The following KCND3 variants were observed in gnomAD, a reference collection of about 807,000 sequenced individuals.
The protein encoded by KCND3 is potassium voltage-gated channel subfamily D member 3, also known as A-type voltage-gated potassium channel KCND3.
KCND3 carries 9 observed loss-of-function variants against 51.1 expected under a neutral mutation model. That is an observed-to-expected ratio of 0.18 (90% CI 0.11 to 0.31). The LOEUF is 0.31. KCND3 is among the 10% of genes least tolerant of loss of function. The pLI is 1.00. For missense variants in KCND3, 526 were observed against 903.8 expected (o/e 0.58, Z 5.36); for synonymous variants, 349 against 368.0 (o/e 0.95, Z 0.59).
chr1:111,945,468 C>A (rs1672735321), intron 2 of KCND3, among the ~76,000 whole-genome samples: 5 of 152,202 alleles, frequency 3.3e-5, no homozygotes, highest in Admixed American at 3.3e-4. Context: ...TGGCCTACCC[C>A]CATTAACCCT....
intron 2 of KCND3, among the ~76,000 whole-genome samples, chr1:111,953,421 T>C (rs1039589492): frequency 6.6e-6 from 1 of 152,220 alleles, no homozygotes; most frequent in African/African-American, 2.4e-5. Context: ...AAAACCAGTG[T>C]TGATTCATGC....
rs187997467 is a variant in KCND3, at chr1:111,891,164, T to C, written c.1106+90457A>G. Among the ~76,000 whole-genome samples the C allele has an allele frequency of 2.8e-4, 43 of 152,192 alleles. No individual in the cohort carries two copies. The East Asian group carries it at 7.1e-3, about 25-fold the overall frequency. Reference sequence around the variant, plus strand: ...ATCTGAGGCCACCTACTTCATAGGGTTGTTAGAAGGATAAAATCACTTGGT... The same window carrying C: ...ATCTGAGGCCACCTACTTCATAGGGCTGTTAGAAGGATAAAATCACTTGGT... On this transcript the variant is annotated intron_variant, in intron 2 of 7. Transcript: ENST00000302127.
intron 2 of KCND3, among the ~76,000 whole-genome samples, chr1:111,808,943 C>T (rs74112140): frequency 0.082 from 12,419 of 152,234 alleles, 874 homozygotes; most frequent in African/African-American, 0.18. Flanking sequence ...AGGGAGGGGA[C>T]ACCCTGAATG....
chr1:111,853,271 C>T (rs1052887075), intron 2 of KCND3, among the ~76,000 whole-genome samples: 1 of 152,172 alleles, frequency 6.6e-6, no homozygotes, highest in Non-Finnish European at 1.5e-5. Context: ...TTTATCTCCC[C>T]TCTCTGGGAA....
At chr1:111,934,680 CTG>C (rs1359701983) in intron 2 of KCND3, among the ~76,000 whole-genome samples, 1 of 152,200 alleles carries the variant, frequency 6.6e-6, no homozygotes, top group African/African-American at 2.4e-5. Flanking sequence ...TGTGCGTACT[CTG>C]AATCTGGGTG....
chr1:111,838,679 AAAC>A (rs376997509), intron 2 of KCND3, among the ~76,000 whole-genome samples: 2,641 of 151,944 alleles, frequency 0.017, 67 homozygotes, highest in African/African-American at 0.056. Flanking sequence ...ACAAAAGCAA[AAAC>A]AACAACAACA....
chr1:111,963,558 C>T (rs900487649), intron 2 of KCND3, among the ~76,000 whole-genome samples: 9 of 152,190 alleles, frequency 5.9e-5, no homozygotes, highest in African/African-American at 1.9e-4. Flanking sequence ...CCTGGTCCAC[C>T]GTATGAGGAT....
chr1:111,801,943 C>T (rs1360385608), intron 2 of KCND3, among the ~76,000 whole-genome samples: 1 of 152,238 alleles, frequency 6.6e-6, no homozygotes, highest in Non-Finnish European at 1.5e-5. Context: ...TACTGGTGAA[C>T]TTGCCAGGCA....
At chr1:111,849,522 C>A (rs556064803) in intron 2 of KCND3, among the ~76,000 whole-genome samples, 50 of 152,198 alleles carry the variant, frequency 3.3e-4, no homozygotes, top group Non-Finnish European at 6.6e-4. Context: ...TCCCTCTACC[C>A]CTGTGGGTAT....
intron 2 of KCND3, among the ~76,000 whole-genome samples, chr1:111,821,286 ACCTT>A (rs1416346916): frequency 1.3e-5 from 2 of 152,172 alleles, no homozygotes; most frequent in African/African-American, 4.8e-5. Context: ...GAGGTCATTT[ACCTT>A]ACAGTTAGCT....
chr1:111,863,560 T>G (rs78216256), intron 2 of KCND3, among the ~76,000 whole-genome samples: 4,362 of 152,262 alleles, frequency 0.029, 80 homozygotes, highest in Non-Finnish European at 0.043. Flanking sequence ...TCAATAACAT[T>G]GTGCTTTTGA....
chr1:111,975,269 G>T (rs981898264), intron 2 of KCND3, among the ~76,000 whole-genome samples: 1 of 152,180 alleles, frequency 6.6e-6, no homozygotes, highest in African/African-American at 2.4e-5. Flanking sequence ...TACATTCTGA[G>T]GTCTCGGCTG....
intron 2 of KCND3, among the ~76,000 whole-genome samples, chr1:111,885,273 C>G (rs540179175): frequency 6.6e-6 from 1 of 152,188 alleles, no homozygotes; most frequent in South Asian, 2.1e-4. Flanking sequence ...AGCCTGGGCA[C>G]GTCCACGTTC....
At chr1:111,919,001 A>T (rs746313198) in intron 2 of KCND3, among the ~76,000 whole-genome samples, 1 of 151,810 alleles carries the variant, frequency 6.6e-6, no homozygotes, top group Non-Finnish European at 1.5e-5. Flanking sequence ...AGATGACAAA[A>T]TCACATGAGA....
At position 111,985,168 on chromosome 1, in the gene KCND3, T is replaced by G. The variant is rs74109801; in HGVS notation, c.-72-2370A>C. On this transcript the variant is annotated intron_variant, in intron 1 of 7. Coordinates refer to ENST00000302127, the MANE Select transcript of KCND3 (RefSeq NM_001378969.1). ...ACATAGCAGTCTGACAACCCCAAAG[T>G]GGCAGAATAGGGATTCCATCTCAGG... 6.3e-3 allele frequency among the ~76,000 whole-genome samples: 966 copies of G among 152,222 alleles called. 10 individuals are homozygous for G. The highest frequency in any genetic ancestry group is 0.022 in the African/African-American group (915 of 41,526).
chr1:111,890,762 G>A (rs1217110431), intron 2 of KCND3, among the ~76,000 whole-genome samples: 1 of 152,146 alleles, frequency 6.6e-6, no homozygotes, highest in African/African-American at 2.4e-5. Flanking sequence ...AGCAAGGTGG[G>A]TAGACCTGGA....
intron 2 of KCND3, among the ~76,000 whole-genome samples, chr1:111,869,928 C>T (rs1278148807): frequency 6.6e-6 from 1 of 152,024 alleles, no homozygotes; most frequent in Non-Finnish European, 1.5e-5. Context: ...CACGTACAGA[C>T]ACACATGTCA....
At chr1:111,778,534 T>C (rs1371811163) in intron 5 of KCND3, 42 bp from the exon 6 acceptor site, 5 of 1,584,820 alleles carry the variant, frequency 3.2e-6, no homozygotes, top group Non-Finnish European at 4.3e-6. Context: ...ACACCATTGA[T>C]TGTACATTCC....
At chr1:111,860,222 A>G (rs1267202419) in intron 2 of KCND3, among the ~76,000 whole-genome samples, 1 of 152,244 alleles carries the variant, frequency 6.6e-6, no homozygotes, top group Non-Finnish European at 1.5e-5. Context: ...CATTTAAGCC[A>G]CACAAAACCC....
Sources: gnomAD v4.1 joint callset for allele counts (sites outside exome capture counted in the v4.1 genomes callset) on GRCh38, gnomAD v4.1.1 for gene constraint, MANE v1.5 for transcripts, NCBI Gene and HGNC (gene_info 2026-07-23, HGNC 2026-07-21) for gene names.